Variants in CCDC186 observed in about 807,000 individuals in gnomAD.
The protein encoded by CCDC186 is coiled-coil domain containing 186.
In CCDC186, 49 loss-of-function variants were observed where a neutral mutation model predicts 113.7. The observed-to-expected ratio is 0.43, with a 90% CI of 0.34 to 0.55. CCDC186 has a LOEUF of 0.55. CCDC186 is among the 20% of genes least tolerant of loss of function. The pLI is 0.02. For synonymous variants in CCDC186, 355 were observed against 345.8 expected, an observed-to-expected ratio of 1.03 and a Z score of -0.30; for missense variants, 890 against 1,011.1, an observed-to-expected ratio of 0.88 and a Z score of 1.62.
At chr10:114,173,864 C>G (rs2032610041) in intron 1 of CCDC186, 151 bp downstream of exon 1, 3 of 355,090 alleles carry the variant, frequency 8.4e-6, no homozygotes, top group Non-Finnish European at 1.7e-5. Flanking sequence ...CTCAAAGGAG[C>G]CAGGCGGGGA....
chr10:114,164,311 T>C (rs115219474), intron 1 of CCDC186, among the ~76,000 whole-genome samples: 1,989 of 151,344 alleles, frequency 0.013, 39 homozygotes, highest in African/African-American at 0.044. Context: ...TAGGAAGAGA[T>C]AGGGTTTCAC....
At chr10:114,130,399 A>G (rs1253939859) in intron 12 of CCDC186, 1 of 155,708 alleles carries the variant, frequency 6.4e-6, no homozygotes, top group Non-Finnish European at 1.4e-5. Flanking sequence ...ATTTTAACAC[A>G]AATAAAGCCG....
chr10:114,165,801 T>G (rs1480817567), intron 1 of CCDC186: 1 of 742,508 alleles, frequency 1.3e-6, no homozygotes, highest in East Asian at 1.3e-4. Flanking sequence ...TGGGCCAAGA[T>G]CGTGCCATTG....
rs2119659498 is a variant in CCDC186, at chr10:114,122,904, T to A, written c.*2239A>T. The A allele has an allele frequency of 6.6e-6, 1 of 152,300 alleles. No individual in the cohort carries two copies. The highest frequency in any genetic ancestry group is 1.9e-4 in the East Asian group (1 of 5,190). 9.4% of individuals were successfully genotyped at this position (152,300 alleles called of 1,614,324 possible). A position where few individuals can be genotyped will look rare whatever the true frequency, so the allele number is the denominator to read the frequency against. ...TGTTTGTAATACTTTTCTTCTAAAATTTTCTCATTAAACTTCTCCAAGTAG... is the reference window on the plus strand; with the variant it reads ...TGTTTGTAATACTTTTCTTCTAAAAATTTCTCATTAAACTTCTCCAAGTAG... On this transcript the variant is annotated 3_prime_UTR_variant, in exon 16 of 16. Coordinates refer to ENST00000369287, the MANE Select transcript of CCDC186 (RefSeq NM_018017.4).
In CCDC186 at chr10:114,129,935, T is replaced by A; in HGVS notation, c.2138A>T (p.Tyr713Phe). 6.2e-7 allele frequency: 1 copy of A among 1,613,726 alleles called. No homozygotes were observed. Among genetic ancestry groups the A allele is most frequent in the South Asian group, 1.1e-5 (1 of 91,068 alleles). ...TCCCATGCTGCTGACTTCTTTGTCA[T>A]AGCTTCCACTCTCAACCTGATCTAA... Reference protein sequence around the residue: ...RKLDQVESGSYDKEVSSMGSR... With the variant: ...RKLDQVESGSFDKEVSSMGSR... Residue 713 changes from tyrosine to phenylalanine, a missense_variant, in exon 13 of 16, where the codon TAT (tyrosine) becomes TTT (phenylalanine). By Grantham distance (22) the Tyr-to-Phe change is conservative. Transcript: ENST00000369287.
In CCDC186 at chr10:114,145,776, T is replaced by C; in HGVS notation, c.889-15A>G. ...TTCTTGTTGGCCTTCAAAAAAAATA[T>C]TACTTAGCATTAATGAAAAATAATG... On this transcript the variant is annotated splice_polypyrimidine_tract_variant and intron_variant, in intron 4 of 15. Transcript: ENST00000369287. 1 of 1,557,734 alleles carries C rather than the reference T, an allele frequency of 6.4e-7. No individual in the cohort carries two copies. Among genetic ancestry groups the C allele is most frequent in the Non-Finnish European group, 8.6e-7 (1 of 1,158,148 alleles).
intron 5 of CCDC186, among the ~76,000 whole-genome samples, chr10:114,144,872 T>A (rs890823173): frequency 2.0e-5 from 3 of 152,176 alleles, no homozygotes; most frequent in African/African-American, 7.2e-5. Context: ...CATATCTTTA[T>A]GATTCTTAAC....
At chr10:114,149,948 C>T (rs1329181401) in intron 4 of CCDC186, among the ~76,000 whole-genome samples, 1 of 152,116 alleles carries the variant, frequency 6.6e-6, no homozygotes, top group African/African-American at 2.4e-5. Flanking sequence ...ACTTCTTAAG[C>T]TCTTAGGCTC....
chr10:114,166,146 T>A (rs1202337660), intron 1 of CCDC186, among the ~76,000 whole-genome samples: 5 of 152,210 alleles, frequency 3.3e-5, no homozygotes, highest in Non-Finnish European at 2.9e-5. Flanking sequence ...AAGGAAAAAA[T>A]AAAACCATTT....
intron 12 of CCDC186, 73 bp downstream of exon 12, chr10:114,131,074 T>C (rs113538749): frequency 1.3e-5 from 16 of 1,243,436 alleles, no homozygotes; most frequent in Non-Finnish European, 1.7e-5. Flanking sequence ...TGTGGCAGAA[T>C]CACAAAAAAT....
At chr10:114,165,563 C>T (rs113567791) in intron 1 of CCDC186, among the ~76,000 whole-genome samples, 3 of 152,252 alleles carry the variant, frequency 2.0e-5, no homozygotes, top group African/African-American at 4.8e-5. Context: ...TGGTGGCAGC[C>T]GCCTGAAATC....
chr10:114,140,803 G>C (rs1042628999), intron 6 of CCDC186, among the ~76,000 whole-genome samples: 2 of 151,214 alleles, frequency 1.3e-5, no homozygotes, highest in East Asian at 3.9e-4. Flanking sequence ...TCATGCTTTT[G>C]TCTATCTCCT....
intron 4 of CCDC186, among the ~76,000 whole-genome samples, chr10:114,148,247 GGT>G (rs1356761302): frequency 1.3e-5 from 2 of 152,180 alleles, no homozygotes; most frequent in Non-Finnish European, 2.9e-5. Flanking sequence ...AATAACCTGG[GGT>G]GCTTGTTAAA....
chr10:114,127,364 A>G, intron 14 of CCDC186, 97 bp downstream of exon 14: 1 of 1,092,788 alleles, frequency 9.2e-7, no homozygotes, highest in Non-Finnish European at 1.3e-6. Context: ...ATTTTTTGAA[A>G]GATAGGTTCT....
intron 4 of CCDC186, among the ~76,000 whole-genome samples, chr10:114,147,388 G>T (rs2031678717): frequency 6.6e-6 from 1 of 152,156 alleles, no homozygotes; most frequent in Non-Finnish European, 1.5e-5. Flanking sequence ...AAGGGTAAAA[G>T]ATGCTATACT....
intron 2 of CCDC186, chr10:114,162,322 ATTTCC>A (rs919255123): frequency 8.5e-4 from 148 of 174,534 alleles, no homozygotes; most frequent in African/African-American, 3.4e-3. Context: ...ATGACTTGTT[ATTTCC>A]TTTTGAGTTT....
intron 4 of CCDC186, among the ~76,000 whole-genome samples, chr10:114,147,183 T>C (rs1205464546): frequency 6.6e-6 from 1 of 152,174 alleles, no homozygotes; most frequent in Non-Finnish European, 1.5e-5. Context: ...AGAAGTCTGG[T>C]TTCATAATAA....
chr10:114,173,746 C>T (rs893156332), intron 1 of CCDC186, among the ~76,000 whole-genome samples: 4 of 152,242 alleles, frequency 2.6e-5, no homozygotes, highest in Non-Finnish European at 4.4e-5. Context: ...CCCCCACGAC[C>T]CCCGCTGACC....
chr10:114,148,005 T>A (rs952293742), intron 4 of CCDC186, among the ~76,000 whole-genome samples: 1 of 151,984 alleles, frequency 6.6e-6, no homozygotes, highest in African/African-American at 2.4e-5. Flanking sequence ...CATGGTGGTG[T>A]GCACCTGTAG....
Sources: gnomAD v4.1 joint callset for allele counts (sites outside exome capture counted in the v4.1 genomes callset) on GRCh38, gnomAD v4.1.1 for gene constraint, MANE v1.5 for transcripts, NCBI Gene and HGNC (gene_info 2026-07-23, HGNC 2026-07-21) for gene names.